The following AFF2 variants were observed in gnomAD, a reference collection of about 807,000 sequenced individuals.
AFF2 encodes ALF transcription elongation factor 2.
Under a neutral mutation model 76.9 loss-of-function variants are expected in AFF2, and 14 were observed. The ratio of observed to expected loss-of-function variants is 0.18; its 90% CI spans 0.12 to 0.28. AFF2 has a LOEUF of 0.28. Among genes scored for constraint, AFF2 ranks in the 10% least tolerant of loss-of-function variants. The probability of loss-of-function intolerance (pLI) is 1.00; values close to 1 mark genes in which losing one functional copy is unlikely to be tolerated. For synonymous variants in AFF2, 398 were observed against 366.7 expected (o/e 1.09, Z -0.98); for missense variants, 868 against 1,001.1 (o/e 0.87, Z 1.79).
At chrX:148,605,121 T>C (rs1689870096) in intron 1 of AFF2, among the ~76,000 whole-genome samples, 1 of 111,277 alleles carries the variant, frequency 9.0e-6, no homozygotes, top group Admixed American at 9.5e-5. Flanking sequence ...CAGATCAATA[T>C]CCATGAAAGG....
At chrX:148,545,347 T>C (rs1490419874) in intron 1 of AFF2, among the ~76,000 whole-genome samples, 1 of 112,133 alleles carries the variant, frequency 8.9e-6, no homozygotes, top group African/African-American at 3.2e-5. Context: ...GTGCTTTTTG[T>C]TTATCTTTTG....
intron 9 of AFF2, among the ~76,000 whole-genome samples, chrX:148,920,569 G>A (rs2071581733): frequency 1.8e-5 from 2 of 110,078 alleles, no homozygotes; most frequent in African/African-American, 6.6e-5. Context: ...ATGTCAATAG[G>A]TATTGTGAAG....
At chrX:148,837,490 C>A (rs1462603205) in intron 4 of AFF2, among the ~76,000 whole-genome samples, 157 bp from the exon 5 acceptor site, 1 of 111,794 alleles carries the variant, frequency 8.9e-6, no homozygotes, top group Non-Finnish European at 1.9e-5. Flanking sequence ...AGTTTGCAAG[C>A]ATCTGCTGGA....
intron 1 of AFF2, among the ~76,000 whole-genome samples, chrX:148,527,048 ATATT>A (rs1431572746): frequency 8.9e-6 from 1 of 112,195 alleles, no homozygotes; most frequent in Non-Finnish European, 1.9e-5. Context: ...TCCCTACAAA[ATATT>A]TATTAATTGC....
chrX:148,687,790 A>T (rs2054613523), intron 3 of AFF2, among the ~76,000 whole-genome samples: 1 of 110,980 alleles, frequency 9.0e-6, no homozygotes, highest in Admixed American at 9.6e-5. Context: ...ACCAGCTGGC[A>T]AATAATTTAG....
At chrX:148,917,739 A>G (rs2071548471) in intron 9 of AFF2, among the ~76,000 whole-genome samples, 1 of 112,487 alleles carries the variant, frequency 8.9e-6, no homozygotes, top group Admixed American at 9.4e-5. Context: ...GGTCTAGGCA[A>G]TATCTCTGCA....
At chrX:148,606,456 C>A (rs942133991) in intron 1 of AFF2, among the ~76,000 whole-genome samples, 34 of 108,104 alleles carry the variant, frequency 3.1e-4, no homozygotes, top group Non-Finnish European at 1.9e-5. Flanking sequence ...AGAGAAGACA[C>A]CTAAATTCTC....
intron 1 of AFF2, among the ~76,000 whole-genome samples, chrX:148,511,648 AC>A (rs2052483488): frequency 8.9e-6 from 1 of 112,569 alleles, no homozygotes; most frequent in Non-Finnish European, 1.9e-5. Flanking sequence ...TTGAACAAGG[AC>A]CCTAAAAAAT....
At chrX:148,512,050 A>G (rs948769877) in intron 1 of AFF2, among the ~76,000 whole-genome samples, 3 of 112,018 alleles carry the variant, frequency 2.7e-5, no homozygotes, top group African/African-American at 9.7e-5. Context: ...TTTAAGCTAC[A>G]TATTAGGAGG....
At chrX:148,957,751 G>A (rs1177233653) in intron 11 of AFF2, among the ~76,000 whole-genome samples, 3 of 112,407 alleles carry the variant, frequency 2.7e-5, no homozygotes, top group Non-Finnish European at 5.6e-5. Flanking sequence ...CCAAAATAGG[G>A]ACCAAGAAGT....
At chrX:148,628,238 T>C (rs868940864) in intron 1 of AFF2, among the ~76,000 whole-genome samples, 4 of 111,069 alleles carry the variant, frequency 3.6e-5, no homozygotes, top group Non-Finnish European at 7.6e-5. Context: ...CACTTAAAAA[T>C]GGTTAAAATG....
intron 3 of AFF2, among the ~76,000 whole-genome samples, chrX:148,673,925 A>G (rs1557259273): frequency 8.9e-6 from 1 of 112,841 alleles, no homozygotes; most frequent in Non-Finnish European, 1.9e-5. Context: ...AGGGAAGTAT[A>G]AAGTTTCTTT....
intron 1 of AFF2, among the ~76,000 whole-genome samples, chrX:148,531,401 C>T (rs1198371059): frequency 8.0e-5 from 9 of 112,279 alleles, no homozygotes; most frequent in Non-Finnish European, 1.5e-4. Context: ...AGTAGGAAAA[C>T]ATTCAGCATT....
chrX:148,641,503 C>T (rs912989252), intron 1 of AFF2, among the ~76,000 whole-genome samples: 3 of 111,344 alleles, frequency 2.7e-5, no homozygotes, highest in African/African-American at 6.6e-5. Flanking sequence ...TAGAATGAAT[C>T]GAGTGCAATA....
intron 1 of AFF2, among the ~76,000 whole-genome samples, chrX:148,593,804 G>A (rs1214660796): frequency 5.4e-5 from 6 of 111,686 alleles, no homozygotes; most frequent in Admixed American, 1.9e-4. Flanking sequence ...TGAGAGTACT[G>A]TAGTTATCTC....
intron 1 of AFF2, among the ~76,000 whole-genome samples, chrX:148,502,505 T>C (rs1226465246): frequency 3.5e-5 from 4 of 112,843 alleles, no homozygotes; most frequent in Non-Finnish European, 7.5e-5. Flanking sequence ...AATTATGCTG[T>C]ATCAGTATTA....
chrX:148,552,172 C>T (rs1377652081), intron 1 of AFF2, among the ~76,000 whole-genome samples: 4 of 112,233 alleles, frequency 3.6e-5, no homozygotes, highest in Non-Finnish European at 7.5e-5. Flanking sequence ...CTGTAATAAA[C>T]CATAACCATG....
In AFF2 at chrX:149,000,635, T is replaced by C. The variant is rs782098581; in HGVS notation, c.*9303T>C. 8.9e-6 allele frequency: 1 copy of C among 112,904 alleles called. No homozygotes were observed. The highest frequency in any genetic ancestry group is 3.2e-5 in the African/African-American group (1 of 31,032). The allele number at this position is 112,904 out of a possible 1,213,427, so 9.3% of individuals were successfully genotyped here. ...GCCAATGCATTGAATTATTTAAAAA[T>C]GCAAAATAAAATTTTTATGAAAATC... On this transcript the variant is annotated 3_prime_UTR_variant, in exon 21 of 21. Transcript: ENST00000370460.
intron 9 of AFF2, among the ~76,000 whole-genome samples, chrX:148,928,328 G>C (rs1210320107): frequency 1.8e-5 from 2 of 112,133 alleles, no homozygotes; most frequent in Middle Eastern, 4.3e-3. Flanking sequence ...AATTCTACTG[G>C]GATTTAAAAC....
Sources: gnomAD v4.1 joint callset for allele counts (sites outside exome capture counted in the v4.1 genomes callset) on GRCh38, gnomAD v4.1.1 for gene constraint, MANE v1.5 for transcripts, NCBI Gene and HGNC (gene_info 2026-07-23, HGNC 2026-07-21) for gene names.